Variants in TNRC18 observed in about 807,000 individuals in gnomAD.
TNRC18 encodes the protein trinucleotide repeat-containing gene 18 protein.
A neutral mutation model predicts 226.7 loss-of-function variants in TNRC18; 69 were observed. That is an observed-to-expected ratio of 0.30 (90% confidence interval 0.25 to 0.37). The LOEUF (loss-of-function observed/expected upper bound fraction) is 0.37, where lower values mean the gene tolerates loss of function less well. Among genes scored for constraint, TNRC18 ranks in the 10% least tolerant of loss-of-function variants. TNRC18 has a pLI of 1.00. For synonymous variants in TNRC18, 2,449 were observed against 1,927.6 expected (o/e 1.27, Z -7.09); for missense variants, 4,754 against 4,256.6 (o/e 1.12, Z -3.25).
intron 18 of TNRC18, among the ~76,000 whole-genome samples, chr7:5,344,658 C>A (rs563303928): frequency 1.3e-5 from 2 of 152,296 alleles, no homozygotes; most frequent in Admixed American, 1.3e-4. Context: ...AGCCTCATAC[C>A]TACCCCTACT....
At chr7:5,379,146 G>A (rs1413962478) in intron 5 of TNRC18, among the ~76,000 whole-genome samples, 3 of 151,766 alleles carry the variant, frequency 2.0e-5, no homozygotes, top group Non-Finnish European at 4.4e-5. Flanking sequence ...GCAGTGAGCC[G>A]AGATTGCACC....
At chr7:5,419,436 G>A (rs966909225) in intron 2 of TNRC18, among the ~76,000 whole-genome samples, 11 of 152,256 alleles carry the variant, frequency 7.2e-5, no homozygotes, top group African/African-American at 2.2e-4. Context: ...ACTCCGGGCT[G>A]GACCAAATGA....
intron 2 of TNRC18, among the ~76,000 whole-genome samples, chr7:5,419,255 T>G (rs1782385858): frequency 6.6e-6 from 1 of 152,246 alleles, no homozygotes; most frequent in Admixed American, 6.5e-5. Context: ...GAGTAGTAGC[T>G]TGTTTTCACC....
rs952298127 is a variant in TNRC18 at position 5,388,632 on chromosome 7, G to C, written c.1192C>G (p.Arg398Gly). Residue 398 changes from arginine to glycine, a missense_variant, in exon 5 of 30, where the codon CGG becomes GGG. Physicochemically the swap from Arg to Gly is moderately radical, Grantham distance 125. Transcript: ENST00000430969. ...IQIASQARDA[R>G]AREREAGRPG... ...CTGCCAGCCTCGCGCTCGCGGGCCCGGGCATCGCGCGCCTGGGATGCGATC... is the reference window on the plus strand; with the variant it reads ...CTGCCAGCCTCGCGCTCGCGGGCCCCGGCATCGCGCGCCTGGGATGCGATC... The C allele has an allele frequency of 3.9e-6, 5 of 1,278,078 alleles. No homozygotes were observed. Among genetic ancestry groups the C allele is most frequent in the Middle Eastern group, 2.9e-4 (1 of 3,420 alleles). The allele number at this position is 1,278,078 out of a possible 1,614,324, so 79.2% of individuals were successfully genotyped here.
intron 18 of TNRC18, among the ~76,000 whole-genome samples, chr7:5,333,622 G>C (rs1430855116): frequency 6.6e-6 from 1 of 152,064 alleles, no homozygotes; most frequent in African/African-American, 2.4e-5. Context: ...TGGATCCTGG[G>C]TCCCAGCTCC....
intron 9 of TNRC18, among the ~76,000 whole-genome samples, chr7:5,375,232 C>A (rs1366716968): frequency 3.9e-5 from 6 of 152,152 alleles, no homozygotes; most frequent in Non-Finnish European, 5.9e-5. Context: ...TCGTTTGAAC[C>A]CAGGAGGCGG....
chr7:5,317,175 C>T (rs1005437393), intron 24 of TNRC18, among the ~76,000 whole-genome samples: 3 of 152,098 alleles, frequency 2.0e-5, no homozygotes, highest in East Asian at 1.9e-4. Context: ...GAGCTCCCAT[C>T]GGCTTGATAA....
chr7:5,316,274 CTTTTTT>C (rs1278896095), intron 24 of TNRC18, among the ~76,000 whole-genome samples: 2 of 86,534 alleles, frequency 2.3e-5, no homozygotes, highest in Non-Finnish European at 4.1e-5. Context: ...AGAAATGGGT[CTTTTTT>C]TTTTTTTTTT....
chr7:5,350,834 A>T (rs1791720802), intron 17 of TNRC18, among the ~76,000 whole-genome samples: 1 of 152,158 alleles, frequency 6.6e-6, no homozygotes, highest in Non-Finnish European at 1.5e-5. Flanking sequence ...CTCTCCAAAC[A>T]GAGCACGATG....
rs368797614 is a variant in TNRC18, at chr7:5,421,038, G to A, written c.187+22C>T. On this transcript the variant is annotated intron_variant, in intron 2 of 29. Coordinates refer to ENST00000430969, the MANE Select transcript of TNRC18 (RefSeq NM_001080495.3). ...TCTCCCTGGGAAGACAGGAGGGGAC[G>A]GGCACGGCGCGGGGCACTTACCCGG... 284 of 1,533,380 alleles carry A rather than the reference G, an allele frequency of 1.9e-4. 3 individuals carry two copies. In the African/African-American group the frequency reaches 3.5e-3, roughly 19 times the overall value. The allele number at this position is 1,533,380 out of a possible 1,614,324, so 95.0% of individuals were successfully genotyped here.
chr7:5,362,572 C>T (rs934709093), intron 12 of TNRC18, 78 bp downstream of exon 12: 23 of 1,357,620 alleles, frequency 1.7e-5, no homozygotes, highest in Non-Finnish European at 2.3e-5. Flanking sequence ...ACGCCCCAGG[C>T]AGTAGGGCAC....
Position 5,308,051 on chromosome 7 carries a change from G to GAGATGGGTCCCTGGCCGC in TNRC18, c.*37_*54dup, listed in dbSNP as rs1786738002. 11 of 1,488,172 alleles carry GAGATGGGTCCCTGGCCGC rather than the reference G, an allele frequency of 7.4e-6. No homozygotes were observed. Among genetic ancestry groups the GAGATGGGTCCCTGGCCGC allele is most frequent in the Admixed American group, 2.0e-5 (1 of 48,866 alleles). The allele number at this position is 1,488,172 out of a possible 1,614,324, so 92.2% of individuals were successfully genotyped here. A position where few individuals can be genotyped will look rare whatever the true frequency, so the allele number is the denominator to read the frequency against. On this transcript the variant is annotated 3_prime_UTR_variant, in exon 30 of 30. Coordinates refer to ENST00000430969, the MANE Select transcript of TNRC18 (RefSeq NM_001080495.3). The stretch of plus-strand genomic sequence containing the variant: ...TGGTCTCCGCGCCATGGCAGTGATG[G>GAGATGGGTCCCTGGCCGC]AGATGGGTCCCTGGCCGCCCTCGGG...
In TNRC18 at chr7:5,308,215, A is replaced by C; in HGVS notation, c.8798T>G (p.Leu2933Arg). The C allele has an allele frequency of 6.2e-7, 1 of 1,611,638 alleles. No individual in the cohort carries two copies. Among genetic ancestry groups the C allele is most frequent in the Non-Finnish European group, 8.5e-7 (1 of 1,179,280 alleles). ...VVGLEQYEQM[L>R]KTKKYQDSEG... is the part of the protein sequence containing the mutation. The stretch of plus-strand genomic sequence containing the variant: ...GCTGTCCTGGTACTTCTTGGTCTTC[A>C]GCATCTGCTCATACTGCTCCAGGCC... The change falls in exon 30 of 30, where the codon CTG (leucine) becomes CGG (arginine). Residue 2933 changes from leucine (L) to arginine (R), a missense_variant. Physicochemically the swap from Leu to Arg is moderately radical, Grantham distance 102 (BLOSUM62 -2). Transcript: ENST00000430969.
chr7:5,362,742 C>T lies in TNRC18; in HGVS notation c.4303G>A (p.Gly1435Arg), dbSNP rs1403505266. The change falls in exon 12 of 30, where the codon GGG (glycine) becomes AGG (arginine). Residue 1435 changes from glycine (G) to arginine (R), a missense_variant. By Grantham distance (125) the Gly-to-Arg change is moderately radical. Transcript: ENST00000430969. ...TTCTTGAGTGGGTCCACCACGGGCC[C>T]ATCCAGCACCTCCCTCAGCATGTGG... ...GSHMLREVLD[G>R]PVVDPLKNLR... 1.3e-6 allele frequency: 2 copies of T among 1,572,870 alleles called. No individual in the cohort carries two copies. Among genetic ancestry groups the T allele is most frequent in the Non-Finnish European group, 8.6e-7 (1 of 1,159,782 alleles).
At position 5,383,957 on chromosome 7, in the gene TNRC18, A is replaced by ATTTTT. The variant is rs765430615; in HGVS notation, c.2152+3710_2152+3714dup. Among the ~76,000 whole-genome samples the ATTTTT allele has an allele frequency of 6.2e-3, 489 of 78,784 alleles. 35 individuals carry two copies. Among genetic ancestry groups the ATTTTT allele is most frequent in the South Asian group, 0.025 (43 of 1,742 alleles). The allele number at this position is 78,784 out of a possible 152,430, so 51.7% of individuals were successfully genotyped here. ...ACAGGCACACCAGCATACCCGGGTG[A>ATTTTT]TTTTTTTTTTTTTTTTTTTTTTTTT... is the stretch of plus-strand genomic sequence containing the variant. On this transcript the variant is annotated intron_variant, in intron 5 of 29. Coordinates refer to ENST00000430969, the MANE Select transcript of TNRC18 (RefSeq NM_001080495.3).
intron 2 of TNRC18, chr7:5,420,570 C>T (rs56399861): frequency 0.014 from 6,490 of 449,458 alleles, 89 homozygotes; most frequent in Non-Finnish European, 0.019. Flanking sequence ...CCGCATCCCC[C>T]GGCGCTCGGT....
chr7:5,384,668 A>G (rs1779632183), intron 5 of TNRC18, among the ~76,000 whole-genome samples: 1 of 152,146 alleles, frequency 6.6e-6, no homozygotes, highest in South Asian at 2.1e-4. Flanking sequence ...AGGCTCAAAG[A>G]GATCTCCTGC....
intron 5 of TNRC18, among the ~76,000 whole-genome samples, chr7:5,380,455 G>T (rs947397694): frequency 6.6e-6 from 1 of 152,198 alleles, no homozygotes; most frequent in Non-Finnish European, 1.5e-5. Context: ...CTGCAGGAAG[G>T]TGGGAACCCA....
At chr7:5,405,719 G>A (rs1480553156) in intron 2 of TNRC18, among the ~76,000 whole-genome samples, 2 of 152,106 alleles carry the variant, frequency 1.3e-5, no homozygotes, top group African/African-American at 4.8e-5. Context: ...CTCCAAGCCT[G>A]GGCAACAGAG....
Sources: gnomAD v4.1 joint callset for allele counts (sites outside exome capture counted in the v4.1 genomes callset) on GRCh38, gnomAD v4.1.1 for gene constraint, MANE v1.5 for transcripts, NCBI Gene and HGNC (gene_info 2026-07-23, HGNC 2026-07-21) for gene names.